The following BRAP variants were observed in gnomAD, a reference collection of about 807,000 sequenced individuals.
The protein encoded by BRAP is BRCA1-associated protein.
A neutral mutation model predicts 73.4 loss-of-function variants in BRAP; 42 were observed. The observed-to-expected ratio is 0.57, with a 90% CI of 0.45 to 0.74. BRAP has a LOEUF of 0.74. Among genes scored for constraint, BRAP ranks in the 30% least tolerant of loss-of-function variants. The pLI is 0.00. For synonymous variants in BRAP, 255 were observed against 267.4 expected (o/e 0.95, Z 0.45); for missense variants, 593 against 751.4 (o/e 0.79, Z 2.46).
At position 111,678,082 on chromosome 12, in the gene BRAP, G is replaced by A. The variant is rs935006398; in HGVS notation, c.633+1069C>T. ...AGCCTGACCAACATGGAGAAACTCCGCCTCTACTGAAAATACAAAATTAGC... is the reference window on the plus strand; with the variant it reads ...AGCCTGACCAACATGGAGAAACTCCACCTCTACTGAAAATACAAAATTAGC... On this transcript the variant is annotated intron_variant, in intron 4 of 11. Transcript: ENST00000419234. Among the ~76,000 whole-genome samples the A allele has an allele frequency of 1.3e-4, 19 of 151,778 alleles. No homozygotes were observed. The Middle Eastern group carries it at 0.01, about 82-fold the overall frequency.
intron 5 of BRAP, chr12:111,670,146 G>T: frequency 1.6e-6 from 1 of 616,072 alleles, no homozygotes; most frequent in South Asian, 1.4e-5. Flanking sequence ...TGCTTTCTTT[G>T]TCATCCAACT....
At chr12:111,667,403 T>C (rs1421919572) in intron 5 of BRAP, among the ~76,000 whole-genome samples, 2 of 152,012 alleles carry the variant, frequency 1.3e-5, no homozygotes, top group African/African-American at 4.8e-5. Flanking sequence ...TGTTTAACTG[T>C]CACATTAAAA....
At chr12:111,675,357 TAAAAAG>T (rs1887341316) in intron 4 of BRAP, among the ~76,000 whole-genome samples, 1 of 151,900 alleles carries the variant, frequency 6.6e-6, no homozygotes, top group African/African-American at 2.4e-5. Flanking sequence ...ATGAAAAAAG[TAAAAAG>T]AAAAAGTACT....
At chr12:111,658,430 A>C (rs1169246849) in intron 9 of BRAP, among the ~76,000 whole-genome samples, 1 of 151,700 alleles carries the variant, frequency 6.6e-6, no homozygotes, top group Non-Finnish European at 1.5e-5. Flanking sequence ...GGTTCAAGCG[A>C]TTCTCCTGCC....
intron 9 of BRAP, among the ~76,000 whole-genome samples, chr12:111,658,153 C>G (rs887252339): frequency 1.3e-5 from 2 of 151,976 alleles, no homozygotes; most frequent in Non-Finnish European, 2.9e-5. Flanking sequence ...TGGTCTTGAA[C>G]TCCTGATCTC....
At chr12:111,662,313 G>C (rs538287045) in intron 6 of BRAP, among the ~76,000 whole-genome samples, 1 of 152,268 alleles carries the variant, frequency 6.6e-6, no homozygotes, top group South Asian at 2.1e-4. Context: ...CACTTTGGGA[G>C]ACCTAGGCGG....
In BRAP at chr12:111,659,139, T is replaced by G; in HGVS notation, c.1111+68A>C. The G allele has an allele frequency of 3.9e-6, 6 of 1,536,470 alleles. No homozygotes were observed. In the South Asian group the frequency reaches 7.0e-5, roughly 18 times the overall value. ...TGACATTTCAAGCTGGGAGGGAAAGTGAAGGCGTTGTGAAGGCAAAGTTTC... is the reference window on the plus strand; with the variant it reads ...TGACATTTCAAGCTGGGAGGGAAAGGGAAGGCGTTGTGAAGGCAAAGTTTC... On this transcript the variant is annotated intron_variant, in intron 8 of 11. Transcript: ENST00000419234.
Position 111,679,169 on chromosome 12 carries a change from C to T in BRAP, c.615G>A (p.Leu205=). 6.4e-7 allele frequency: 1 copy of T among 1,566,666 alleles called. No homozygotes were observed. Among genetic ancestry groups the T allele is most frequent in the Non-Finnish European group, 8.7e-7 (1 of 1,155,558 alleles). The change falls in exon 4 of 12, where the codon CTG becomes CTA. Residue 205 remains leucine, a synonymous_variant. Transcript: ENST00000419234. ...RDSTPNQYMV[L]IKFRAQADAD... ...CTTTTACCTGTGCACGAAACTTTATCAGCACCATATATTGGTTGGGAGTAG... is the reference window on the plus strand; with the variant it reads ...CTTTTACCTGTGCACGAAACTTTATTAGCACCATATATTGGTTGGGAGTAG...
chr12:111,685,363 G>C (rs551830949), intron 1 of BRAP, among the ~76,000 whole-genome samples: 1 of 152,366 alleles, frequency 6.6e-6, no homozygotes, highest in African/African-American at 2.4e-5. Context: ...AATTAACCCA[G>C]GGACCGTCCA....
chr12:111,672,833 T>C, intron 4 of BRAP, 59 bp from the exon 5 acceptor site: 1 of 1,301,852 alleles, frequency 7.7e-7, no homozygotes, highest in South Asian at 1.2e-5. Context: ...AAAATCTGCT[T>C]TATATTCAAT....
At position 111,664,455 on chromosome 12, in the gene BRAP, T is replaced by A. The variant is rs559025602; in HGVS notation, c.896+1184A>T. 6.6e-5 allele frequency among the ~76,000 whole-genome samples: 10 copies of A among 152,298 alleles called. 1 individual carries two copies. The South Asian group carries it at 2.1e-3, about 32-fold the overall frequency. ...ATGCACATATCTCAGTATGGCTTTG[T>A]TCAAGGCAACTGGACAATTCCTTGG... On this transcript the variant is annotated intron_variant, in intron 6 of 11. Coordinates refer to ENST00000419234, the MANE Select transcript of BRAP (RefSeq NM_006768.5).
chr12:111,646,132 A>T (rs1446229768), intron 11 of BRAP, among the ~76,000 whole-genome samples: 4 of 152,066 alleles, frequency 2.6e-5, no homozygotes, highest in African/African-American at 9.7e-5. Context: ...AAGAAAAATT[A>T]AAAAACTAGC....
intron 10 of BRAP, among the ~76,000 whole-genome samples, chr12:111,650,482 T>C (rs1333462338): frequency 6.6e-6 from 1 of 152,200 alleles, no homozygotes; most frequent in Non-Finnish European, 1.5e-5. Context: ...GCCAGGCTGG[T>C]CTCGAACACC....
chr12:111,647,965 G>C (rs1886171110), intron 11 of BRAP, among the ~76,000 whole-genome samples: 1 of 152,088 alleles, frequency 6.6e-6, no homozygotes, highest in Admixed American at 6.6e-5. Flanking sequence ...TTACTTGGGA[G>C]GCTGAGGTGG....
intron 6 of BRAP, among the ~76,000 whole-genome samples, chr12:111,663,645 A>T (rs1261417437): frequency 1.3e-5 from 2 of 152,108 alleles, no homozygotes; most frequent in Non-Finnish European, 2.9e-5. Flanking sequence ...TGGGGATGCC[A>T]TCATTCTCTC....
intron 3 of BRAP, 54 bp downstream of exon 3, chr12:111,681,583 C>CAAAAA (rs368877992): frequency 9.8e-5 from 110 of 1,119,564 alleles, no homozygotes; most frequent in Middle Eastern, 2.6e-4. Flanking sequence ...TAAAGCAAAG[C>CAAAAA]AAAAAAAAAA....
At chr12:111,659,428 T>C (rs933890716) in intron 7 of BRAP, 83 bp from the exon 8 acceptor site, 5 of 1,352,666 alleles carry the variant, frequency 3.7e-6, no homozygotes, top group Middle Eastern at 2.6e-4. Context: ...CCGAGGCAGA[T>C]GGATCACCTG....
chr12:111,679,282 C>A lies in BRAP; in HGVS notation c.502G>T (p.Val168Phe). The A allele has an allele frequency of 6.2e-7, 1 of 1,608,570 alleles. No homozygotes were observed. The highest frequency in any genetic ancestry group is 8.5e-7 in the Non-Finnish European group (1 of 1,176,862). ...RRSAMLCILT[V>F]PAAMTSHDLM... is the part of the protein sequence containing the mutation. ...TCATGACTGGTCATTGCAGCAGGGA[C>A]TGTGAGAATACACAGCATGGCACTG... Residue 168 changes from valine to phenylalanine, a missense_variant, in exon 4 of 12, where the codon GTC becomes TTC. Coordinates refer to ENST00000419234, the MANE Select transcript of BRAP (RefSeq NM_006768.5).
At position 111,642,545 on chromosome 12, in the gene BRAP, G is replaced by C. The variant is rs1218742886; in HGVS notation, c.*1654C>G. ...AAACTACTTCTAATTCTCTTCATTAGTATGCTATGATCCACCCCAGCTTCT... is the reference window on the plus strand; with the variant it reads ...AAACTACTTCTAATTCTCTTCATTACTATGCTATGATCCACCCCAGCTTCT... On this transcript the variant is annotated 3_prime_UTR_variant, in exon 12 of 12. Coordinates refer to ENST00000419234, the MANE Select transcript of BRAP (RefSeq NM_006768.5). 6.6e-6 allele frequency: 1 copy of C among 152,132 alleles called. No individual in the cohort carries two copies. Among genetic ancestry groups the C allele is most frequent in the Non-Finnish European group, 1.5e-5 (1 of 68,028 alleles). 9.4% of individuals were successfully genotyped at this position (152,132 alleles called of 1,614,324 possible).
Sources: gnomAD v4.1 joint callset for allele counts (sites outside exome capture counted in the v4.1 genomes callset) on GRCh38, gnomAD v4.1.1 for gene constraint, MANE v1.5 for transcripts, NCBI Gene and HGNC (gene_info 2026-07-23, HGNC 2026-07-21) for gene names.